The following GRK2 variants were observed in gnomAD, a reference collection of about 807,000 sequenced individuals.
The protein encoded by GRK2 is G protein-coupled receptor kinase 2, also known as adrenergic beta receptor kinase 1.
In GRK2, 23 loss-of-function variants were observed where a neutral mutation model predicts 97.8. That is an observed-to-expected ratio of 0.24 (90% CI 0.17 to 0.33). GRK2 has a LOEUF of 0.33. Among genes scored for constraint, GRK2 ranks in the 10% least tolerant of loss-of-function variants. GRK2 has a pLI of 1.00. For missense variants in GRK2, 633 were observed against 956.9 expected (o/e 0.66, Z 4.47); for synonymous variants, 425 against 381.7 (o/e 1.11, Z -1.32).
chr11:67,267,558 G>C (rs1859825191), intron 1 of GRK2, among the ~76,000 whole-genome samples: 1 of 152,190 alleles, frequency 6.6e-6, no homozygotes, highest in African/African-American at 2.4e-5. Context: ...CCCTGCATAT[G>C]GTGCCCCGTG....
At chr11:67,279,323 G>A (rs1289466467) in intron 3 of GRK2, 50 bp downstream of exon 3, 2 of 1,610,426 alleles carry the variant, frequency 1.2e-6, no homozygotes, top group Admixed American at 1.7e-5. Context: ...AGGGGAGGAG[G>A]TTGGGGCGGC....
chr11:67,285,034 G>A (rs751439452), intron 19 of GRK2, 41 bp from the exon 20 acceptor site: 10 of 1,611,966 alleles, frequency 6.2e-6, no homozygotes, highest in African/African-American at 4.0e-5. Context: ...GTGGCTGGCC[G>A]GCCCGGCTCT....
intron 1 of GRK2, among the ~76,000 whole-genome samples, chr11:67,271,631 C>T (rs1859909773): frequency 2.0e-5 from 3 of 152,254 alleles, no homozygotes; most frequent in Non-Finnish European, 4.4e-5. Flanking sequence ...GCCAGAGTGC[C>T]TCTTCCTGAG....
chr11:67,269,268 T>C lies in GRK2; in HGVS notation c.113+2456T>C, dbSNP rs1859859971. 6.6e-6 allele frequency among the ~76,000 whole-genome samples: 1 copy of C among 152,082 alleles called. No individual in the cohort carries two copies. Among genetic ancestry groups the C allele is most frequent in the South Asian group, 2.1e-4 (1 of 4,820 alleles). On this transcript the variant is annotated intron_variant, in intron 1 of 20. Transcript: ENST00000308595. This position sits in a 1 kb window ranked among gnomAD's most constrained non-coding sequence, Gnocchi z 4.1. Reference sequence around the variant, plus strand: ...TCCACTTGCAGAGTGCTTTTTACTCTGTTTTGTCCTTTTGACAACTGTGAG... The same window carrying C: ...TCCACTTGCAGAGTGCTTTTTACTCCGTTTTGTCCTTTTGACAACTGTGAG...
At chr11:67,271,393 T>C (rs1443539857) in intron 1 of GRK2, among the ~76,000 whole-genome samples, 2 of 152,246 alleles carry the variant, frequency 1.3e-5, no homozygotes, top group East Asian at 3.8e-4. Context: ...GGTATTAACA[T>C]GTTGGCAGCT....
In GRK2 at chr11:67,269,202, A is replaced by G. The variant is rs1180816420; in HGVS notation, c.113+2390A>G. Among the ~76,000 whole-genome samples, 1 of 87,606 alleles carries G rather than the reference A, an allele frequency of 1.1e-5. No homozygotes were observed. Among genetic ancestry groups the G allele is most frequent in the African/African-American group, 4.4e-5 (1 of 22,488 alleles). 57.5% of individuals were successfully genotyped at this position (87,606 alleles called of 152,430 possible). On this transcript the variant is annotated intron_variant, in intron 1 of 20. Coordinates refer to ENST00000308595, the MANE Select transcript of GRK2 (RefSeq NM_001619.5). This position sits in a 1 kb window ranked among gnomAD's most constrained non-coding sequence, Gnocchi z 4.1. ...GCCGCCCCCCGCCCCCCGCCGCCCC[A>G]GTGGTGATCCTGACCATGTTTCATG...
chr11:67,280,979 C>A, intron 7 of GRK2, 114 bp from the exon 8 acceptor site: 5 of 1,140,782 alleles, frequency 4.4e-6, no homozygotes, highest in Middle Eastern at 2.0e-4. Flanking sequence ...CAAGGATGGC[C>A]AGGACATGGG....
Position 67,279,819 on chromosome 11 carries a change from CTT to C in GRK2, c.442-19_442-18del. 6.2e-7 allele frequency: 1 copy of C among 1,613,986 alleles called. No homozygotes were observed. The highest frequency in any genetic ancestry group is 1.1e-5 in the South Asian group (1 of 91,090). ...CGGTCTCTCGGGGCTCAGTCACCAA[CTT>C]CCAGCTTCCTCCCTTAGCCATACAT... On this transcript the variant is annotated intron_variant, in intron 5 of 20. Transcript: ENST00000308595.
chr11:67,268,184 C>T (rs1441768461), intron 1 of GRK2, among the ~76,000 whole-genome samples: 3 of 152,190 alleles, frequency 2.0e-5, no homozygotes, highest in Admixed American at 6.5e-5. Context: ...TCTGCGGTGT[C>T]CCTCAGCCTT....
chr11:67,279,921 G>T lies in GRK2; in HGVS notation c.503+21G>T, dbSNP rs192113785. On this transcript the variant is annotated intron_variant, in intron 6 of 20. Transcript: ENST00000308595. ...GAGAGGTGAGAGCAGGGAAGTGTGG[G>T]AGAGGAAGGGGGAGGGAGGGGCCGC... 2.9e-5 allele frequency: 46 copies of T among 1,612,546 alleles called. No individual in the cohort carries two copies. The African/African-American group carries it at 5.5e-4, about 19-fold the overall frequency.
At chr11:67,285,014 G>A (rs774743657) in intron 19 of GRK2, 31 bp downstream of exon 19, 70 of 1,612,056 alleles carry the variant, frequency 4.3e-5, no homozygotes, top group Non-Finnish European at 4.9e-5. Context: ...TCCGGGAGCC[G>A]GGCTTCCGGG....
intron 1 of GRK2, among the ~76,000 whole-genome samples, chr11:67,273,278 G>A (rs891281491): frequency 6.6e-6 from 1 of 152,236 alleles, no homozygotes; most frequent in African/African-American, 2.4e-5. Flanking sequence ...GAACCTTAGC[G>A]TCCTTCCATC....
rs780215816 is a variant in GRK2, at chr11:67,281,213, A to C, written c.647+29A>C. The stretch of plus-strand genomic sequence containing the variant: ...AGCACCCTGCTCGGCGCGGTGGGAT[A>C]CCTCGGGGAGCCGGGCTCCTGGGGG... On this transcript the variant is annotated intron_variant, in intron 8 of 20. Coordinates refer to ENST00000308595, the MANE Select transcript of GRK2 (RefSeq NM_001619.5). This position sits in a 1 kb window ranked among gnomAD's most constrained non-coding sequence, Gnocchi z 5.7. 17 of 1,589,592 alleles carry C rather than the reference A, an allele frequency of 1.1e-5. No individual in the cohort carries two copies. In the African/African-American group the frequency reaches 2.2e-4, roughly 20 times the overall value.
rs769409777 is a variant in GRK2 at position 67,285,441 on chromosome 11, C to T, written c.2061C>T (p.Asn687=). ...CGCTGGTCCAGCGCGGCAGTGCCAACGGCCTCTGACCCGCCCACCCGCCTT... is the reference window on the plus strand; with the variant it reads ...CGCTGGTCCAGCGCGGCAGTGCCAATGGCCTCTGACCCGCCCACCCGCCTT... ...KVPLVQRGSA[N]GL Residue 687 remains asparagine (N), a synonymous_variant, in exon 21 of 21, where the codon AAC becomes AAT. Transcript: ENST00000308595. 2.2e-5 allele frequency: 34 copies of T among 1,566,022 alleles called. No homozygotes were observed. The highest frequency in any genetic ancestry group is 2.0e-4 in the East Asian group (9 of 44,082).
Position 67,281,710 on chromosome 11 carries a change from A to G in GRK2, c.808A>G (p.Ile270Val). 1 of 1,609,860 alleles carries G rather than the reference A, an allele frequency of 6.2e-7. No homozygotes were observed. The highest frequency in any genetic ancestry group is 8.5e-7 in the Non-Finnish European group (1 of 1,179,450). The change falls in exon 10 of 21, where the codon ATC (isoleucine) becomes GTC (valine). Residue 270 changes from isoleucine (I) to valine (V), a missense_variant. By Grantham distance (29) the Ile-to-Val change is conservative. This residue lies in a region of GRK2 where 192 missense variants were observed against 362.3 expected (regional missense o/e 0.53). Transcript: ENST00000308595. The surrounding 1 kb of genome is among the most constrained non-coding windows in gnomAD (Gnocchi z 5.7). ...AFHTPDKLSF[I>V]LDLMNGGDLH... ...CCACACGCCAGACAAGCTCAGCTTC[A>G]TCCTGGACCTCATGAACGGTGAGTG...
chr11:67,279,451 G>A lies in GRK2; in HGVS notation c.298G>A (p.Glu100Lys), dbSNP rs1237196544. 7 of 1,613,342 alleles carry A rather than the reference G, an allele frequency of 4.3e-6. No individual in the cohort carries two copies. Among genetic ancestry groups the A allele is most frequent in the Non-Finnish European group, 5.9e-6 (7 of 1,180,024 alleles). ...GTACGAGAAGCTGGAGACGGAGGAGGAGCGTGTGGCCCGCAGCCGGGAGAT... is the reference window on the plus strand; with the variant it reads ...GTACGAGAAGCTGGAGACGGAGGAGAAGCGTGTGGCCCGCAGCCGGGAGAT... Reference protein sequence around the residue: ...KKYEKLETEEERVARSREIFD... With the variant: ...KKYEKLETEEKRVARSREIFD... Residue 100 changes from glutamate (E) to lysine (K), a missense_variant, in exon 4 of 21, where the codon GAG becomes AAG. Around this residue, in one of 4 missense-constraint regions of GRK2, gnomAD observed 193 missense variants for 212.2 expected, o/e 0.91. Coordinates refer to ENST00000308595, the MANE Select transcript of GRK2 (RefSeq NM_001619.5).
rs1860154881 is a variant in GRK2, at chr11:67,281,667, C to G, written c.765C>G (p.Val255=). The G allele has an allele frequency of 6.4e-7, 1 of 1,562,848 alleles. No individual in the cohort carries two copies. The highest frequency in any genetic ancestry group is 1.7e-5 in the Admixed American group (1 of 59,066). The change falls in exon 10 of 21, where the codon GTC becomes GTG. Residue 255 remains valine, a synonymous_variant. Coordinates refer to ENST00000308595, the MANE Select transcript of GRK2 (RefSeq NM_001619.5). This position sits in a 1 kb window ranked among gnomAD's most constrained non-coding sequence, Gnocchi z 5.7. ...CCTCCTAGGACTGCCCATTCATTGT[C>G]TGCATGTCATACGCGTTCCACACGC... The part of the protein sequence containing the change: ...LVSTGDCPFI[V]CMSYAFHTPD...
chr11:67,271,347 A>G (rs1163679621), intron 1 of GRK2, among the ~76,000 whole-genome samples: 1 of 152,238 alleles, frequency 6.6e-6, no homozygotes, highest in East Asian at 1.9e-4. Context: ...GTTTACTGCA[A>G]AAGGACGCGT....
At position 67,274,495 on chromosome 11, in the gene GRK2, CTTT is replaced by C. The variant is rs57767154; in HGVS notation, c.114-2752_114-2750del. 6.5e-3 allele frequency among the ~76,000 whole-genome samples: 145 copies of C among 22,466 alleles called. 1 individual carries two copies. Among genetic ancestry groups the C allele is most frequent in the East Asian group, 0.019 (7 of 372 alleles). 14.7% of individuals were successfully genotyped at this position (22,466 alleles called of 152,430 possible). A position where few individuals can be genotyped will look rare whatever the true frequency, so the allele number is the denominator to read the frequency against. ...TCGCTACCTTCCGCTTGACCAGCAC[CTTT>C]TTTTTTTTTTTTTTTTTTTTTTTTG... On this transcript the variant is annotated intron_variant, in intron 1 of 20. Coordinates refer to ENST00000308595, the MANE Select transcript of GRK2 (RefSeq NM_001619.5).
Sources: gnomAD v4.1 joint callset for allele counts (sites outside exome capture counted in the v4.1 genomes callset) on GRCh38, gnomAD v4.1.1 for gene constraint, gnomAD v4.1.1 regional missense constraint, Gnocchi (gnomAD v3.1) non-coding constraint, MANE v1.5 for transcripts, NCBI Gene and HGNC (gene_info 2026-07-23, HGNC 2026-07-21) for gene names.